GRXCR2: variants seen among roughly 807,000 people sequenced by gnomAD.
The protein encoded by GRXCR2 is glutaredoxin and cysteine rich domain containing 2.
Under a neutral mutation model 24.8 loss-of-function variants are expected in GRXCR2, and 23 were observed. The ratio of observed to expected loss-of-function variants is 0.93; its 90% CI spans 0.67 to 1.32. The LOEUF is 1.32. Ranked by LOEUF, GRXCR2 falls within the 40% of genes most tolerant of loss-of-function variation. The pLI, the probability that GRXCR2 is intolerant of heterozygous loss-of-function variation, is 0.00. For synonymous variants in GRXCR2, 130 were observed against 116.1 expected, an observed-to-expected ratio of 1.12 and a Z score of -0.77; for missense variants, 315 against 303.4, an observed-to-expected ratio of 1.04 and a Z score of -0.28.
At chr5:145,930,433 A>T (rs1285944438) in intron 2 of GRXCR2, among the ~76,000 whole-genome samples, 2 of 152,216 alleles carry the variant, frequency 1.3e-5, no homozygotes, top group South Asian at 2.1e-4. Flanking sequence ...AGGCAATAGC[A>T]TTTAACTGGG....
chr5:145,878,982 C>A (rs1010335220), intron 2 of GRXCR2, among the ~76,000 whole-genome samples: 23 of 152,258 alleles, frequency 1.5e-4, no homozygotes, highest in South Asian at 2.1e-4. Flanking sequence ...TCTTTACAGA[C>A]AAGCAAATGC....
At chr5:145,896,061 G>C (rs1393112934) in intron 2 of GRXCR2, among the ~76,000 whole-genome samples, 2 of 152,102 alleles carry the variant, frequency 1.3e-5, no homozygotes, top group African/African-American at 4.8e-5. Flanking sequence ...AATGGTGCTG[G>C]GAAAACTGGC....
chr5:145,859,800 T>C lies in GRXCR2; in HGVS notation c.680A>G (p.Tyr227Cys), dbSNP rs200294198. The change falls in exon 3 of 3, where the codon TAT becomes TGT. Residue 227 changes from tyrosine (Y) to cysteine (C), a missense_variant. Tyr to Cys is a radical substitution (Grantham distance 194). Coordinates refer to ENST00000377976, the MANE Select transcript of GRXCR2 (RefSeq NM_001080516.2). The stretch of plus-strand genomic sequence containing the variant: ...GCAGGCAGGGCACCTCAGGGCCCGA[T>C]AGGACTCCTTAAATCTGTTGGCCAG... ...SMLANRFKES[Y>C]RALRCPACNE... 8.6e-5 allele frequency: 139 copies of C among 1,614,202 alleles called. No homozygotes were observed. The South Asian group carries it at 1.3e-3, about 15-fold the overall frequency.
At chr5:145,881,155 A>C (rs1446088668) in intron 2 of GRXCR2, among the ~76,000 whole-genome samples, 2 of 152,220 alleles carry the variant, frequency 1.3e-5, no homozygotes, top group African/African-American at 4.8e-5. Context: ...CTCCTATTTA[A>C]CATAGTGTTG....
intron 2 of GRXCR2, among the ~76,000 whole-genome samples, chr5:145,860,473 G>C (rs2149907566): frequency 6.6e-6 from 1 of 152,290 alleles, no homozygotes; most frequent in South Asian, 2.1e-4. Flanking sequence ...AGCGATTTGA[G>C]CACCAGAATT....
At chr5:145,889,251 G>GAA in intron 2 of GRXCR2, among the ~76,000 whole-genome samples, 1 of 134,382 alleles carries the variant, frequency 7.4e-6, no homozygotes. Flanking sequence ...AAAGAATTAT[G>GAA]CAATGGACTC....
rs138474163 is a variant in GRXCR2, at chr5:145,860,075, T to C, written c.565-160A>G. 4.6e-3 allele frequency among the ~76,000 whole-genome samples: 699 copies of C among 152,278 alleles called. 7 individuals are homozygous for C. Among genetic ancestry groups the C allele is most frequent in the African/African-American group, 0.016 (647 of 41,540 alleles). ...AGAATCATCTGGGACCCAGAATAGT[T>C]ACAGCAATTTTATCAGAGAGGATTC... On this transcript the variant is annotated intron_variant, in intron 2 of 2. Coordinates refer to ENST00000377976, the MANE Select transcript of GRXCR2 (RefSeq NM_001080516.2).
chr5:145,863,437 C>T (rs145388874), intron 2 of GRXCR2, among the ~76,000 whole-genome samples: 50 of 152,314 alleles, frequency 3.3e-4, no homozygotes, highest in African/African-American at 1.2e-3. Flanking sequence ...ACAGATCTCT[C>T]CAAATTGAAC....
chr5:145,876,141 T>G (rs968976737), upstream of GRXCR2, among the ~76,000 whole-genome samples: 1 of 148,382 alleles, frequency 6.7e-6, no homozygotes, highest in African/African-American at 2.5e-5. Flanking sequence ...CACTCCAGCC[T>G]GGTTGACAAA....
chr5:145,877,138 G>A (rs575172315), upstream of GRXCR2, among the ~76,000 whole-genome samples: 1 of 151,474 alleles, frequency 6.6e-6, no homozygotes, highest in African/African-American at 2.4e-5. Flanking sequence ...TCATTTTAAA[G>A]AAAGAAAGAT....
At position 145,881,744 on chromosome 5, in the gene GRXCR2, G is replaced by T. The variant is rs183457437; in HGVS notation, c.-69-15016C>A. Among the ~76,000 whole-genome samples the T allele has an allele frequency of 2.9e-3, 447 of 152,236 alleles. 2 individuals carry two copies. Among genetic ancestry groups the T allele is most frequent in the African/African-American group, 0.011 (437 of 41,524 alleles). On this transcript the variant is annotated intron_variant, in intron 2 of 3. Coordinates refer to the GRXCR2 transcript ENST00000639411. ...GTAAGCAAAAAGAACAAAACTGGAG[G>T]CATCATGCTACCTGACTTCAAACTA...
At chr5:145,907,297 G>T (rs759225598) in intron 2 of GRXCR2, among the ~76,000 whole-genome samples, 3 of 152,124 alleles carry the variant, frequency 2.0e-5, no homozygotes, top group Non-Finnish European at 4.4e-5. Context: ...GGGAGGCCAA[G>T]GCAGGAGGAT....
At chr5:145,863,688 A>G (rs1018753230) in intron 2 of GRXCR2, among the ~76,000 whole-genome samples, 3 of 152,152 alleles carry the variant, frequency 2.0e-5, no homozygotes, top group Non-Finnish European at 4.4e-5. Flanking sequence ...TTGTAAAGAC[A>G]GGTCTCATTA....
intron 2 of GRXCR2, among the ~76,000 whole-genome samples, chr5:145,930,107 CAG>C (rs1757459667): frequency 6.7e-6 from 1 of 150,036 alleles, no homozygotes; most frequent in African/African-American, 2.5e-5. Flanking sequence ...TTTTTTGAGA[CAG>C]AGTCTTGCTT....
At chr5:145,890,900 C>T (rs1023649175) in intron 2 of GRXCR2, among the ~76,000 whole-genome samples, 1 of 150,560 alleles carries the variant, frequency 6.6e-6, no homozygotes, top group Non-Finnish European at 1.5e-5. Flanking sequence ...ATAATGACAC[C>T]CATAGGCTCA....
intron 2 of GRXCR2, among the ~76,000 whole-genome samples, chr5:145,927,670 G>T (rs1396150768): frequency 1.3e-5 from 2 of 152,086 alleles, no homozygotes; most frequent in East Asian, 3.8e-4. Flanking sequence ...TGTTCATCAG[G>T]GATATTGGTC....
intron 2 of GRXCR2, among the ~76,000 whole-genome samples, chr5:145,889,034 C>T (rs897349897): frequency 2.6e-5 from 4 of 151,764 alleles, no homozygotes; most frequent in South Asian, 4.2e-4. Flanking sequence ...ACTAGCCGGG[C>T]GTGGTGGCAG....
chr5:145,881,160 G>C (rs767639730), intron 2 of GRXCR2, among the ~76,000 whole-genome samples: 11 of 152,198 alleles, frequency 7.2e-5, no homozygotes, highest in Non-Finnish European at 1.5e-4. Flanking sequence ...ATTTAACATA[G>C]TGTTGGAAGT....
At position 145,866,512 on chromosome 5, in the gene GRXCR2, G is replaced by C. The variant is rs767999715; in HGVS notation, c.553C>G (p.Arg185Gly). The stretch of plus-strand genomic sequence containing the variant: ...GCTCCCCAACGCACCTGTGTATACC[G>C]GTTTTGGGGTAATGTGCTTTCTGCC... ...VEAESTLPQN[R>G]YTQEGDIPED... Residue 185 changes from arginine to glycine, a missense_variant, in exon 2 of 3, where the codon CGG becomes GGG. Transcript: ENST00000377976. The C allele has an allele frequency of 6.2e-7, 1 of 1,613,250 alleles. No individual in the cohort carries two copies.
Sources: allele counts gnomAD v4.1 joint callset (sites outside exome capture counted in the v4.1 genomes callset), GRCh38; gene constraint gnomAD v4.1.1; transcripts MANE v1.5; gene names NCBI Gene and HGNC (gene_info 2026-07-23, HGNC 2026-07-21).